RIMBP2: variants seen among roughly 807,000 people sequenced by gnomAD.
The protein encoded by RIMBP2 is RIMS binding protein 2, also known as RIMS-binding protein 2.
RIMBP2 carries 48 observed loss-of-function variants against 118.6 expected under a neutral mutation model. The observed-to-expected ratio is 0.40, with a 90% CI of 0.32 to 0.51. RIMBP2 has a LOEUF of 0.51. Ranked by LOEUF, RIMBP2 falls within the 20% of genes least tolerant of loss-of-function variation. RIMBP2 has a pLI of 0.41. For missense variants in RIMBP2, 1,551 were observed against 1,768.3 expected (o/e 0.88, Z 2.20); for synonymous variants, 762 against 742.9 (o/e 1.03, Z -0.42).
intron 2 of RIMBP2, among the ~76,000 whole-genome samples, chr12:130,599,304 AC>A (rs1339249634): frequency 6.6e-6 from 1 of 152,236 alleles, no homozygotes; most frequent in African/African-American, 2.4e-5. Flanking sequence ...ATTTTGAGTG[AC>A]ATCATTAAGA....
chr12:130,699,904 T>TAAAAAAAAA (rs33963621), intron 1 of RIMBP2, among the ~76,000 whole-genome samples: 22 of 85,618 alleles, frequency 2.6e-4, no homozygotes, highest in Non-Finnish European at 4.1e-4. Flanking sequence ...GACTCTGTCT[T>TAAAAAAAAA]AAAAAAAAAA....
Position 130,621,099 on chromosome 12 carries a change from T to C in RIMBP2, c.-217+7223A>G, listed in dbSNP as rs571246055. 3.3e-5 allele frequency among the ~76,000 whole-genome samples: 5 copies of C among 152,280 alleles called. No individual in the cohort carries two copies. Among genetic ancestry groups the C allele is most frequent in the African/African-American group, 9.6e-5 (4 of 41,558 alleles). On this transcript the variant is annotated intron_variant, in intron 2 of 22. Coordinates refer to ENST00000690449, the MANE Select transcript of RIMBP2 (RefSeq NM_001393629.1). This position sits in a 1 kb window ranked among gnomAD's most constrained non-coding sequence, Gnocchi z 6.6. ...CCCTTAGTGAGGGTGGGTTCATTTT[T>C]TTACCAGCACCCTGGGAGCTGGTCA... is the stretch of plus-strand genomic sequence containing the variant.
At chr12:130,524,398 G>A (rs563111273) in intron 2 of RIMBP2, among the ~76,000 whole-genome samples, 1 of 152,208 alleles carries the variant, frequency 6.6e-6, no homozygotes, top group Admixed American at 6.5e-5. Context: ...CAGCCAGGCT[G>A]CAGTGAGCAG....
intron 2 of RIMBP2, among the ~76,000 whole-genome samples, chr12:130,597,523 G>A (rs150795081): frequency 6.6e-5 from 10 of 152,240 alleles, no homozygotes; most frequent in Non-Finnish European, 1.3e-4. Context: ...TTACAGGCGT[G>A]AGCCACCATG....
At chr12:130,438,968 C>T (rs896292056) in intron 11 of RIMBP2, among the ~76,000 whole-genome samples, 16 of 152,082 alleles carry the variant, frequency 1.1e-4, no homozygotes, top group African/African-American at 3.1e-4. Flanking sequence ...CTCATCCCCC[C>T]GCCCGCCCCT....
At chr12:130,461,448 A>G (rs2079986117) in intron 6 of RIMBP2, among the ~76,000 whole-genome samples, 2 of 152,136 alleles carry the variant, frequency 1.3e-5, no homozygotes, top group African/African-American at 4.8e-5. Flanking sequence ...CAGCCCACCA[A>G]AGACAAAGCT....
intron 2 of RIMBP2, among the ~76,000 whole-genome samples, chr12:130,574,301 C>T (rs1359610250): frequency 6.6e-6 from 1 of 151,948 alleles, no homozygotes; most frequent in African/African-American, 2.4e-5. Flanking sequence ...ATCCACAACC[C>T]CCATGTTCAT....
Position 130,434,604 on chromosome 12 carries a change from G to A in RIMBP2, c.2253+130C>T. 2 of 954,498 alleles carry A rather than the reference G, an allele frequency of 2.1e-6. No individual in the cohort carries two copies. The allele number at this position is 954,498 out of a possible 1,614,324, so 59.1% of individuals were successfully genotyped here. A position where few individuals can be genotyped will look rare whatever the true frequency, so the allele number is the denominator to read the frequency against. ...AAACCTAGCACGACTTAGGACCCCA[G>A]CTGGGCGTCTCCATCTCTCTCAGGG... On this transcript the variant is annotated intron_variant, in intron 14 of 22. Transcript: ENST00000690449. This position sits in a 1 kb window ranked among gnomAD's most constrained non-coding sequence, Gnocchi z 5.7.
At chr12:130,608,121 C>G (rs1236984767) in intron 2 of RIMBP2, among the ~76,000 whole-genome samples, 1 of 152,236 alleles carries the variant, frequency 6.6e-6, no homozygotes, top group African/African-American at 2.4e-5. Flanking sequence ...GACCTCCCAG[C>G]CCCTGCCTGG....
intron 2 of RIMBP2, among the ~76,000 whole-genome samples, chr12:130,610,340 C>T (rs1474771322): frequency 6.6e-6 from 1 of 152,226 alleles, no homozygotes; most frequent in Non-Finnish European, 1.5e-5. Context: ...CTTAAAGCTA[C>T]ACTTTGAAGG....
chr12:130,624,477 T>C (rs1486412040), intron 2 of RIMBP2, among the ~76,000 whole-genome samples: 3 of 152,194 alleles, frequency 2.0e-5, no homozygotes, highest in Non-Finnish European at 2.9e-5. Context: ...GACGTGTGTG[T>C]GTGTGTAGAT....
chr12:130,567,172 C>T (rs2057278926), intron 2 of RIMBP2, among the ~76,000 whole-genome samples: 1 of 152,178 alleles, frequency 6.6e-6, no homozygotes, highest in South Asian at 2.1e-4. Context: ...TTGAGATGTC[C>T]AGATGGGTGA....
At chr12:130,528,837 A>G (rs545674224) in intron 2 of RIMBP2, among the ~76,000 whole-genome samples, 1 of 152,268 alleles carries the variant, frequency 6.6e-6, no homozygotes, top group East Asian at 1.9e-4. Flanking sequence ...AAAAATGGGA[A>G]CCCTCATATA....
chr12:130,671,133 A>G (rs1349233272), intron 1 of RIMBP2, among the ~76,000 whole-genome samples: 1 of 152,190 alleles, frequency 6.6e-6, no homozygotes, highest in African/African-American at 2.4e-5. Flanking sequence ...GTTTCCTACC[A>G]TGAGCACAGA....
At chr12:130,418,841 T>C (rs1261793622) in intron 17 of RIMBP2, among the ~76,000 whole-genome samples, 1 of 152,166 alleles carries the variant, frequency 6.6e-6, no homozygotes, top group South Asian at 2.1e-4. Context: ...CAAACTCACA[T>C]GGACCATGCA....
At chr12:130,458,575 C>A (rs2079663611) in intron 6 of RIMBP2, among the ~76,000 whole-genome samples, 1 of 152,330 alleles carries the variant, frequency 6.6e-6, no homozygotes, top group Middle Eastern at 3.4e-3. Flanking sequence ...CCCCGGAAGG[C>A]CCTGAGCTCA....
chr12:130,437,403 G>T (rs1187509003), intron 12 of RIMBP2, 112 bp from the exon 13 acceptor site: 1 of 882,642 alleles, frequency 1.1e-6, no homozygotes, highest in African/African-American at 1.7e-5. Flanking sequence ...ATCATGCCCA[G>T]CGACCTCCGA....
At chr12:130,571,295 C>T (rs1593846597) in intron 2 of RIMBP2, among the ~76,000 whole-genome samples, 1 of 152,118 alleles carries the variant, frequency 6.6e-6, no homozygotes, top group South Asian at 2.1e-4. Flanking sequence ...CAAGGGGAAC[C>T]ACCCTGGCAG....
At chr12:130,538,861 C>T (rs1210484360) in intron 2 of RIMBP2, among the ~76,000 whole-genome samples, 3 of 150,982 alleles carry the variant, frequency 2.0e-5, no homozygotes, top group Admixed American at 1.3e-4. Flanking sequence ...GCCTGGGGAT[C>T]GGGTGGTGGC....
Sources: gnomAD v4.1 joint callset for allele counts (sites outside exome capture counted in the v4.1 genomes callset) on GRCh38, gnomAD v4.1.1 for gene constraint, Gnocchi (gnomAD v3.1) non-coding constraint, MANE v1.5 for transcripts, NCBI Gene and HGNC (gene_info 2026-07-23, HGNC 2026-07-21) for gene names.